Variants in DHX15 observed in about 807,000 individuals in gnomAD.
DHX15 encodes ATP-dependent RNA helicase DHX15.
DHX15 carries 11 observed loss-of-function variants against 94.4 expected under a neutral mutation model. That is an observed-to-expected ratio of 0.12 (90% confidence interval 0.07 to 0.19). The LOEUF (loss-of-function observed/expected upper bound fraction) is 0.19, where lower values mean the gene tolerates loss of function less well. Ranked by LOEUF, DHX15 falls within the 10% of genes least tolerant of loss-of-function variation. The pLI is 1.00. For synonymous variants in DHX15, 338 were observed against 329.9 expected (o/e 1.02, Z -0.27); for missense variants, 304 against 988.5 (o/e 0.31, Z 9.29).
intron 1 of DHX15, 40 bp from the exon 2 acceptor site, chr4:24,576,718 G>T (rs774718609): frequency 1.2e-6 from 2 of 1,600,688 alleles, no homozygotes; most frequent in Non-Finnish European, 1.7e-6. Flanking sequence ...TGAATTTTAT[G>T]CAGAATGTTC....
chr4:24,583,182 CTTTTGTGGG>C, intron 1 of DHX15, among the ~76,000 whole-genome samples: 1 of 152,328 alleles, frequency 6.6e-6, no homozygotes, highest in East Asian at 1.9e-4. Context: ...GCTACTCGGG[CTTTTGTGGG>C]TTTTGCCTGA....
At chr4:24,560,723 T>C (rs765011699) in intron 3 of DHX15, among the ~76,000 whole-genome samples, 1 of 152,136 alleles carries the variant, frequency 6.6e-6, no homozygotes, top group Admixed American at 6.5e-5. Context: ...GAAACTAAGA[T>C]GCATTTTAAA....
chr4:24,580,297 C>T (rs1166884745), intron 1 of DHX15, among the ~76,000 whole-genome samples: 1 of 152,006 alleles, frequency 6.6e-6, no homozygotes, highest in Non-Finnish European at 1.5e-5. Context: ...GTCCCAGCTA[C>T]CTGGGAGGCT....
At chr4:24,538,576 G>A (rs1721240484) in intron 10 of DHX15, 2 of 152,054 alleles carry the variant, frequency 1.3e-5, no homozygotes, top group South Asian at 4.1e-4. Context: ...AGCATTACAA[G>A]CTCAGCAAAC....
At chr4:24,550,788 G>A (rs369847714) in intron 5 of DHX15, among the ~76,000 whole-genome samples, 21 of 152,166 alleles carry the variant, frequency 1.4e-4, no homozygotes, top group African/African-American at 4.8e-4. Flanking sequence ...ATGTAGTATA[G>A]TAAATACAAA....
Position 24,540,171 on chromosome 4 carries a change from C to A in DHX15, c.1723G>T (p.Val575Phe). 1 of 1,613,032 alleles carries A rather than the reference C, an allele frequency of 6.2e-7. No individual in the cohort carries two copies. Among genetic ancestry groups the A allele is most frequent in the Non-Finnish European group, 8.5e-7 (1 of 1,179,338 alleles). ...FPLDPQLAKM[V>F]IASCDYNCSN... ...CAGTTGTAGTCACAACTTGCAATAA[C>A]CATTTTTGCGAGCTGTGGATCTAGA... The change falls in exon 10 of 14, where the codon GTT becomes TTT. Residue 575 changes from valine (V) to phenylalanine (F), a missense_variant. This residue lies in a region of DHX15 where 14 missense variants were observed against 24.5 expected (regional missense o/e 0.57). Transcript: ENST00000336812.
intron 3 of DHX15, among the ~76,000 whole-genome samples, chr4:24,561,833 G>A (rs1560771438): frequency 6.6e-6 from 1 of 152,082 alleles, no homozygotes; most frequent in Non-Finnish European, 1.5e-5. Context: ...AGGTAACTAT[G>A]CTTATTACCC....
Position 24,546,354 on chromosome 4 carries a change from C to A in DHX15, c.1248+2501G>T, listed in dbSNP as rs115036423. Among the ~76,000 whole-genome samples, 590 of 152,252 alleles carry A rather than the reference C, an allele frequency of 3.9e-3. 2 individuals are homozygous for A. The highest frequency in any genetic ancestry group is 0.013 in the African/African-American group (548 of 41,544). On this transcript the variant is annotated intron_variant, in intron 6 of 13. Coordinates refer to ENST00000336812, the MANE Select transcript of DHX15 (RefSeq NM_001358.3). ...AATGTAGGATCAACTATAGAAAAGT[C>A]AGCTATTTGTATGAACAAAATTAAT...
intron 1 of DHX15, among the ~76,000 whole-genome samples, chr4:24,579,798 G>A (rs1231297150): frequency 2.0e-5 from 3 of 152,166 alleles, no homozygotes; most frequent in Non-Finnish European, 4.4e-5. Context: ...ACGGAGTCTT[G>A]CTCTGTCACC....
chr4:24,576,482 G>A lies in DHX15; in HGVS notation c.268C>T (p.His90Tyr), dbSNP rs1165614564. 3.1e-6 allele frequency: 5 copies of A among 1,614,216 alleles called. No homozygotes were observed. The highest frequency in any genetic ancestry group is 2.2e-5 in the South Asian group (2 of 91,088). ...GCAGAATGTGTTGAATGCGTTGAAT[G>A]TGCTGAGTGGGTTGAGTGAGCTGAA... ...SHSAHSTHSA[H>Y]STHSTHSAHS... The change falls in exon 2 of 14, where the codon CAT becomes TAT. Residue 90 changes from histidine to tyrosine, a missense_variant. Physicochemically the swap from His to Tyr is moderately conservative, Grantham distance 83. Coordinates refer to ENST00000336812, the MANE Select transcript of DHX15 (RefSeq NM_001358.3).
At chr4:24,567,801 GA>G (rs1462084614) in intron 3 of DHX15, among the ~76,000 whole-genome samples, 1 of 152,112 alleles carries the variant, frequency 6.6e-6, no homozygotes, top group Non-Finnish European at 1.5e-5. Context: ...AAGAAAACAG[GA>G]AAGTAAGTAT....
At chr4:24,528,143 G>T in intron 13 of DHX15, 102 bp from the exon 14 acceptor site, 1 of 699,926 alleles carries the variant, frequency 1.4e-6, no homozygotes. Context: ...GATGAACCAA[G>T]GCAAATCTAT....
chr4:24,548,710 T>G (rs147871655), intron 6 of DHX15, 145 bp downstream of exon 6: 1 of 743,400 alleles, frequency 1.3e-6, no homozygotes, highest in African/African-American at 1.8e-5. Flanking sequence ...TCAAGAGATA[T>G]GCGGAACCCT....
At chr4:24,574,092 G>T (rs1438373570) in intron 2 of DHX15, among the ~76,000 whole-genome samples, 1 of 149,536 alleles carries the variant, frequency 6.7e-6, no homozygotes, top group Admixed American at 6.7e-5. Flanking sequence ...TGTAGTCCCA[G>T]CTACTCAGGA....
intron 3 of DHX15, among the ~76,000 whole-genome samples, chr4:24,564,472 C>A (rs1232805570): frequency 6.6e-6 from 1 of 152,190 alleles, no homozygotes; most frequent in Non-Finnish European, 1.5e-5. Flanking sequence ...GCTAGTCCAT[C>A]TGCCTATCAA....
At chr4:24,531,620 A>T (rs1422774945) in intron 12 of DHX15, among the ~76,000 whole-genome samples, 2 of 151,988 alleles carry the variant, frequency 1.3e-5, no homozygotes, top group African/African-American at 2.4e-5. Flanking sequence ...CAGGAGTCTG[A>T]GGTGGGAGGA....
intron 11 of DHX15, among the ~76,000 whole-genome samples, chr4:24,536,736 A>G (rs1308020797): frequency 3.9e-5 from 6 of 152,238 alleles, no homozygotes; most frequent in Non-Finnish European, 7.3e-5. Flanking sequence ...ATTCTTAAAA[A>G]TGTAAAATGC....
At chr4:24,583,443 A>G (rs1722513894) in intron 1 of DHX15, among the ~76,000 whole-genome samples, 1 of 151,972 alleles carries the variant, frequency 6.6e-6, no homozygotes. Context: ...CTTATGAAGA[A>G]AAGTGGGACA....
intron 2 of DHX15, among the ~76,000 whole-genome samples, chr4:24,572,998 C>T (rs898613902): frequency 2.0e-5 from 3 of 152,200 alleles, no homozygotes; most frequent in African/African-American, 7.2e-5. Context: ...GCAACCTCCA[C>T]CTCCAGGGTT....
Sources: gnomAD v4.1 joint callset for allele counts (sites outside exome capture counted in the v4.1 genomes callset) on GRCh38, gnomAD v4.1.1 for gene constraint, gnomAD v4.1.1 regional missense constraint, MANE v1.5 for transcripts, NCBI Gene and HGNC (gene_info 2026-07-23, HGNC 2026-07-21) for gene names.